ERC2: variants seen among roughly 807,000 people sequenced by gnomAD.
ERC2 encodes ELKS/RAB6-interacting/CAST family member 2.
A neutral mutation model predicts 114.8 loss-of-function variants in ERC2; 42 were observed. The observed-to-expected ratio is 0.37, with a 90% CI of 0.29 to 0.47. The LOEUF is 0.47. Among genes scored for constraint, ERC2 ranks in the 20% least tolerant of loss-of-function variants. The pLI, the probability that ERC2 is intolerant of heterozygous loss-of-function variation, is 0.99. For synonymous variants in ERC2, 454 were observed against 425.5 expected, an observed-to-expected ratio of 1.07 and a Z score of -0.82; for missense variants, 939 against 1,150.7, an observed-to-expected ratio of 0.82 and a Z score of 2.66.
intron 17 of ERC2, among the ~76,000 whole-genome samples, chr3:55,556,621 G>C (rs58582157): frequency 0.27 from 41,655 of 152,130 alleles, 5,771 homozygotes; most frequent in South Asian, 0.33. Flanking sequence ...TTGTGGATCT[G>C]AATCTGGAAG....
At chr3:55,758,679 A>C (rs1391553037) in intron 14 of ERC2, among the ~76,000 whole-genome samples, 1 of 152,242 alleles carries the variant, frequency 6.6e-6, no homozygotes, top group Non-Finnish European at 1.5e-5. Flanking sequence ...TAGCCAAAAA[A>C]ATCCAGCCAT....
intron 13 of ERC2, among the ~76,000 whole-genome samples, chr3:55,914,032 T>A (rs13069873): frequency 0.26 from 37,796 of 144,076 alleles, 5,215 homozygotes; most frequent in Admixed American, 0.36. Flanking sequence ...TTTTTTTTTT[T>A]AAAGATAACA....
chr3:56,155,459 C>T (rs1225167232), intron 4 of ERC2, among the ~76,000 whole-genome samples: 2 of 151,450 alleles, frequency 1.3e-5, no homozygotes, highest in Non-Finnish European at 2.9e-5. Context: ...GCCCTTATAA[C>T]ATCATTTGAA....
chr3:56,142,861 G>GA, intron 5 of ERC2, among the ~76,000 whole-genome samples: 1 of 148,174 alleles, frequency 6.7e-6, no homozygotes, highest in South Asian at 2.1e-4. Context: ...AACTTTATCT[G>GA]AAAAAATACT....
At chr3:56,442,826 C>G (rs192931354) in intron 1 of ERC2, among the ~76,000 whole-genome samples, 1 of 152,340 alleles carries the variant, frequency 6.6e-6, no homozygotes, top group African/African-American at 2.4e-5. Flanking sequence ...CAGCTTAACT[C>G]CCACTGTTGA....
intron 14 of ERC2, among the ~76,000 whole-genome samples, chr3:55,882,145 G>A (rs2063146255): frequency 6.6e-6 from 1 of 152,178 alleles, no homozygotes; most frequent in Admixed American, 6.5e-5. Flanking sequence ...GGGGGTGAGT[G>A]AGTTCTCACT....
At chr3:56,093,094 T>C (rs538124608) in intron 6 of ERC2, among the ~76,000 whole-genome samples, 185 of 152,300 alleles carry the variant, frequency 1.2e-3, no homozygotes, top group Non-Finnish European at 2.2e-3. Flanking sequence ...ACTGTATTTG[T>C]TAGGGTTAAA....
intron 3 of ERC2, among the ~76,000 whole-genome samples, chr3:56,206,535 A>T (rs1341991844): frequency 6.6e-6 from 1 of 152,210 alleles, no homozygotes; most frequent in Admixed American, 6.5e-5. Flanking sequence ...TGCTTATGAA[A>T]TAGTTAATTT....
intron 13 of ERC2, among the ~76,000 whole-genome samples, chr3:55,892,690 C>A (rs2063668784): frequency 6.6e-6 from 1 of 152,068 alleles, no homozygotes; most frequent in South Asian, 2.1e-4. Context: ...GTTATAATTT[C>A]TCTCTATATT....
At chr3:56,434,134 A>G in intron 2 of ERC2, 1 of 535,196 alleles carries the variant, frequency 1.9e-6, no homozygotes, top group Non-Finnish European at 3.3e-6. Context: ...CCCCATCTGC[A>G]ACCATGTGAA....
intron 12 of ERC2, among the ~76,000 whole-genome samples, chr3:55,979,539 T>C (rs552238724): frequency 7.4e-4 from 112 of 152,342 alleles, no homozygotes; most frequent in African/African-American, 2.5e-3. Context: ...TCACACACTT[T>C]ACACCTTTCA....
At chr3:56,294,605 G>C (rs1021019912) in intron 3 of ERC2, among the ~76,000 whole-genome samples, 1 of 152,234 alleles carries the variant, frequency 6.6e-6, no homozygotes, top group African/African-American at 2.4e-5. Context: ...GAGTCTGCTA[G>C]TAAGATGGAA....
intron 13 of ERC2, among the ~76,000 whole-genome samples, chr3:55,950,045 A>G (rs2067393069): frequency 6.6e-6 from 1 of 152,184 alleles, no homozygotes; most frequent in Non-Finnish European, 1.5e-5. Flanking sequence ...TCACCCAAAT[A>G]CCTTCTGTGA....
chr3:56,085,344 A>G (rs909313747), intron 6 of ERC2, among the ~76,000 whole-genome samples: 1 of 152,210 alleles, frequency 6.6e-6, no homozygotes, highest in African/African-American at 2.4e-5. Flanking sequence ...GGTTGGTCAC[A>G]GATGTGTGGA....
chr3:55,635,063 T>C (rs1253810016), intron 17 of ERC2, among the ~76,000 whole-genome samples: 1 of 152,110 alleles, frequency 6.6e-6, no homozygotes, highest in African/African-American at 2.4e-5. Context: ...TTATTTTTAG[T>C]AGAGACGGGG....
chr3:56,463,626 A>G (rs1258524565), intron 1 of ERC2, among the ~76,000 whole-genome samples: 1 of 152,244 alleles, frequency 6.6e-6, no homozygotes, highest in East Asian at 1.9e-4. Flanking sequence ...CACATAGTTA[A>G]CTGCCCAATA....
intron 17 of ERC2, among the ~76,000 whole-genome samples, chr3:55,522,607 A>G (rs1349170509): frequency 3.3e-5 from 5 of 152,196 alleles, no homozygotes; most frequent in Non-Finnish European, 7.3e-5. Flanking sequence ...GGCCAGTCAC[A>G]TTTGCACAGT....
intron 13 of ERC2, among the ~76,000 whole-genome samples, chr3:55,906,164 T>C (rs2064422419): frequency 1.4e-5 from 2 of 141,072 alleles, no homozygotes; most frequent in African/African-American, 2.6e-5. Flanking sequence ...CTGATGTTTA[T>C]GCCAGTGGTT....
Position 55,938,139 on chromosome 3 carries a change from C to T in ERC2, c.2403+12286G>A, listed in dbSNP as rs548543716. On this transcript the variant is annotated intron_variant, in intron 13 of 17. Transcript: ENST00000288221. ...ACAGGGCATGAGAGAGAAGCAAGAA[C>T]CCAGCCTCGAAAAACCAAGAGGTTC... Among the ~76,000 whole-genome samples the T allele has an allele frequency of 9.7e-4, 146 of 150,020 alleles. 3 individuals carry two copies. Among genetic ancestry groups the T allele is most frequent in the African/African-American group, 3.4e-3 (135 of 39,962 alleles).
Sources: gnomAD v4.1 joint callset for allele counts (sites outside exome capture counted in the v4.1 genomes callset) on GRCh38, gnomAD v4.1.1 for gene constraint, MANE v1.5 for transcripts, NCBI Gene and HGNC (gene_info 2026-07-23, HGNC 2026-07-21) for gene names.